Variants in ANXA1 observed in about 807,000 individuals in gnomAD.
ANXA1 encodes annexin A1.
In ANXA1, 39 loss-of-function variants were observed where a neutral mutation model predicts 47.9. The ratio of observed to expected loss-of-function variants is 0.81; its 90% CI spans 0.63 to 1.06. The LOEUF (loss-of-function observed/expected upper bound fraction) is 1.06, where lower values mean the gene tolerates loss of function less well. Among genes scored for constraint, ANXA1 ranks in the 50% least tolerant of loss-of-function variants. The pLI, the probability that ANXA1 is intolerant of heterozygous loss-of-function variation, is 0.00. For synonymous variants in ANXA1, 146 were observed against 142.5 expected, an observed-to-expected ratio of 1.02 and a Z score of -0.17; for missense variants, 446 against 422.7, an observed-to-expected ratio of 1.06 and a Z score of -0.48.
At chr9:73,160,668 T>C (rs1383357717) in intron 5 of ANXA1, 135 bp from the exon 6 acceptor site, 4 of 676,418 alleles carry the variant, frequency 5.9e-6, no homozygotes, top group South Asian at 3.7e-5. Flanking sequence ...ATAGAGCTTA[T>C]TGTAATTATT....
At chr9:73,154,287 G>C (rs1260754425) in intron 1 of ANXA1, 2 of 1,365,404 alleles carry the variant, frequency 1.5e-6, no homozygotes, top group Non-Finnish European at 2.0e-6. Context: ...CTAAGGCTGG[G>C]GTGAAACCTG....
intron 6 of ANXA1, 108 bp downstream of exon 6, chr9:73,161,001 C>G (rs1248629719): frequency 2.8e-6 from 2 of 716,896 alleles, no homozygotes; most frequent in East Asian, 5.4e-5. Context: ...GGAATCTCCA[C>G]ATATCAAAAT....
At position 73,159,490 on chromosome 9, in the gene ANXA1, G is replaced by A. The variant is rs1824103233; in HGVS notation, c.270+67G>A. ...GTTATACTTAACCATGGATTCGGAA[G>A]CACAGTTACCTAGTTCTTTAAGGTT... is the stretch of plus-strand genomic sequence containing the variant. On this transcript the variant is annotated intron_variant, in intron 4 of 12. Coordinates refer to ENST00000257497, the MANE Select transcript of ANXA1 (RefSeq NM_000700.3). 16 of 1,385,030 alleles carry A rather than the reference G, an allele frequency of 1.2e-5. No homozygotes were observed. In the South Asian group the frequency reaches 1.9e-4, roughly 16 times the overall value. 85.8% of individuals were successfully genotyped at this position (1,385,030 alleles called of 1,614,324 possible). A position where few individuals can be genotyped will look rare whatever the true frequency, so the allele number is the denominator to read the frequency against.
intron 6 of ANXA1, among the ~76,000 whole-genome samples, chr9:73,162,138 T>C (rs1003095338): frequency 5.9e-5 from 9 of 152,144 alleles, no homozygotes; most frequent in African/African-American, 2.2e-4. Flanking sequence ...GAGCCATTCA[T>C]GAGGGATCTG....
At chr9:73,165,308 T>C in intron 9 of ANXA1, 99 bp downstream of exon 9, 2 of 880,478 alleles carry the variant, frequency 2.3e-6, no homozygotes, top group Non-Finnish European at 1.8e-6. Flanking sequence ...CCTTTTTCAA[T>C]ATCACTCCTG....
chr9:73,158,760 A>G lies in ANXA1; in HGVS notation c.132A>G (p.Pro44=), dbSNP rs373357116. The part of the protein sequence containing the change: ...SAVSPYPTFN[P]SSDVAALHKA... The stretch of plus-strand genomic sequence containing the variant: ...TGAGCCCCTATCCTACCTTCAATCC[A>G]TCCTCGGATGTCGCTGCCTTGCATA... Residue 44 remains proline (P), a synonymous_variant, in exon 3 of 13, where the codon CCA becomes CCG. Transcript: ENST00000257497. 19 of 1,613,712 alleles carry G rather than the reference A, an allele frequency of 1.2e-5. No individual in the cohort carries two copies. The highest frequency in any genetic ancestry group is 1.6e-5 in the Non-Finnish European group (19 of 1,179,872).
chr9:73,156,273 C>A (rs1477435304), intron 1 of ANXA1, among the ~76,000 whole-genome samples: 1 of 151,600 alleles, frequency 6.6e-6, no homozygotes, highest in African/African-American at 2.4e-5. Context: ...CTTATCAAAG[C>A]CTTGGATGAA....
intron 11 of ANXA1, chr9:73,167,996 A>G (rs116833261): frequency 1.5e-3 from 247 of 159,632 alleles, no homozygotes; most frequent in African/African-American, 5.5e-3. Context: ...ATGATTAAGG[A>G]TGTAGAATGA....
chr9:73,162,851 C>A lies in ANXA1; in HGVS notation c.545C>A (p.Ser182Tyr), dbSNP rs769392880. ...TSGDFRNALL[S>Y]LAKGDRSEDF... ...GGAGATTTTCGGAACGCTTTGCTTTCTCTTGCTAAGGTACAACTCAGATAC... is the reference window on the plus strand; with the variant it reads ...GGAGATTTTCGGAACGCTTTGCTTTATCTTGCTAAGGTACAACTCAGATAC... Residue 182 changes from serine (S) to tyrosine (Y), a missense_variant, in exon 7 of 13, where the codon TCT becomes TAT. Physicochemically the swap from Ser to Tyr is moderately radical, Grantham distance 144. Coordinates refer to ENST00000257497, the MANE Select transcript of ANXA1 (RefSeq NM_000700.3). 1 of 1,612,252 alleles carries A rather than the reference C, an allele frequency of 6.2e-7. No homozygotes were observed. Among genetic ancestry groups the A allele is most frequent in the East Asian group, 2.2e-5 (1 of 44,820 alleles).
chr9:73,163,515 G>C lies in ANXA1; in HGVS notation c.595G>C (p.Ala199Pro), dbSNP rs745791885. The C allele has an allele frequency of 1.2e-6, 2 of 1,612,860 alleles. No homozygotes were observed. The highest frequency in any genetic ancestry group is 3.3e-5 in the Admixed American group (2 of 59,942). ...GGACTTTGGTGTGAATGAAGACTTG[G>C]CTGATTCAGATGCCAGGGTAAGGAA... Reference protein sequence around the residue: ...SEDFGVNEDLADSDARALYEA... With the variant: ...SEDFGVNEDLPDSDARALYEA... Residue 199 changes from alanine to proline, a missense_variant, in exon 8 of 13, where the codon GCT becomes CCT. Physicochemically the swap from Ala to Pro is conservative, Grantham distance 27. Transcript: ENST00000257497.
intron 3 of ANXA1, 122 bp downstream of exon 3, chr9:73,158,925 C>T (rs1353083568): frequency 1.2e-6 from 1 of 816,398 alleles, no homozygotes; most frequent in Non-Finnish European, 1.9e-6. Flanking sequence ...AAAAACATTT[C>T]TTTGCCAAAC....
Position 73,166,136 on chromosome 9 carries a change from A to G in ANXA1, c.746A>G (p.Asn249Ser), listed in dbSNP as rs1206824935. The G allele has an allele frequency of 4.3e-6, 7 of 1,612,608 alleles. No homozygotes were observed. Among genetic ancestry groups the G allele is most frequent in the Admixed American group, 1.7e-5 (1 of 59,882 alleles). ...ACCAAGTACAGTAAGCATGACATGA[A>G]CAAAGTTCTGGACCTGGAGTTGAAA... ...KYTKYSKHDM[N>S]KVLDLELKGD... is the part of the protein sequence containing the mutation. Residue 249 changes from asparagine (N) to serine (S), a missense_variant, in exon 10 of 13, where the codon AAC becomes AGC. Transcript: ENST00000257497.
chr9:73,160,778 A>G, intron 5 of ANXA1, 25 bp from the exon 6 acceptor site: 2 of 1,565,284 alleles, frequency 1.3e-6, no homozygotes, highest in Non-Finnish European at 1.8e-6. Context: ...TTCTACATTT[A>G]TCCTTTTCTT....
Position 73,160,249 on chromosome 9 carries a change from C to CT in ANXA1, c.271-5dup, listed in dbSNP as rs542717096. On this transcript the variant is annotated splice_polypyrimidine_tract_variant and intron_variant, in intron 4 of 12. Coordinates refer to ENST00000257497, the MANE Select transcript of ANXA1 (RefSeq NM_000700.3). ...ACTTATTGGAAGTCCTGATTCTAAT[C>CT]TTTTTTTTTGTAGCCCCTGGATGAA... 6.2e-4 allele frequency: 927 copies of CT among 1,493,808 alleles called. No individual in the cohort carries two copies. The highest frequency in any genetic ancestry group is 1.0e-3 in the Admixed American group (43 of 42,204). The allele number at this position is 1,493,808 out of a possible 1,614,324, so 92.5% of individuals were successfully genotyped here. A position where few individuals can be genotyped will look rare whatever the true frequency, so the allele number is the denominator to read the frequency against.
At chr9:73,166,009 A>C (rs1824222826) in intron 9 of ANXA1, 88 bp from the exon 10 acceptor site, 1 of 936,206 alleles carries the variant, frequency 1.1e-6, no homozygotes, top group African/African-American at 1.7e-5. Context: ...ATTCTAAAAA[A>C]TTCTTTGAGT....
chr9:73,154,581 G>T (rs891793462), intron 1 of ANXA1, among the ~76,000 whole-genome samples: 2 of 152,132 alleles, frequency 1.3e-5, no homozygotes, highest in African/African-American at 4.8e-5. Flanking sequence ...TGGGACTACA[G>T]GTGCACACCA....
intron 5 of ANXA1, 98 bp from the exon 6 acceptor site, chr9:73,160,705 T>G (rs1420137608): frequency 2.5e-6 from 2 of 806,726 alleles, no homozygotes; most frequent in East Asian, 4.9e-5. Context: ...ATTTACTAAA[T>G]GACAGAGTCA....
At chr9:73,162,955 G>C in intron 7 of ANXA1, 94 bp downstream of exon 7, 1 of 1,023,722 alleles carries the variant, frequency 9.8e-7, no homozygotes, top group Non-Finnish European at 1.5e-6. Flanking sequence ...TCTGAGGCTA[G>C]GTAATTTTTA....
chr9:73,160,775 T>C (rs1328560385), intron 5 of ANXA1, 28 bp from the exon 6 acceptor site: 5 of 1,559,040 alleles, frequency 3.2e-6, no homozygotes, highest in African/African-American at 2.7e-5. Context: ...TTTTTCTACA[T>C]TTATCCTTTT....
Sources: gnomAD v4.1 joint callset for allele counts (sites outside exome capture counted in the v4.1 genomes callset) on GRCh38, gnomAD v4.1.1 for gene constraint, MANE v1.5 for transcripts, NCBI Gene and HGNC (gene_info 2026-07-23, HGNC 2026-07-21) for gene names.